The following SLC14A2 variants were observed in gnomAD, a reference collection of about 807,000 sequenced individuals.
SLC14A2 encodes solute carrier family 14 member 2, also known as urea transporter 2.
Under a neutral mutation model 104.6 loss-of-function variants are expected in SLC14A2, and 91 were observed. The ratio of observed to expected loss-of-function variants is 0.87; its 90% confidence interval spans 0.73 to 1.04. The LOEUF (loss-of-function observed/expected upper bound fraction) is 1.04. Ranked by LOEUF, SLC14A2 falls within the 50% of genes least tolerant of loss-of-function variation. The probability of loss-of-function intolerance (pLI) is 0.00; values close to 1 mark genes in which losing one functional copy is unlikely to be tolerated. For missense variants in SLC14A2, 1,189 were observed against 1,156.0 expected (o/e 1.03, Z -0.41); for synonymous variants, 476 against 466.4 (o/e 1.02, Z -0.27).
At chr18:45,437,111 C>T (rs1005880797) in intron 1 of SLC14A2, among the ~76,000 whole-genome samples, 1 of 152,228 alleles carries the variant, frequency 6.6e-6, no homozygotes, top group African/African-American at 2.4e-5. Context: ...CTAATGGACG[C>T]ACGCATGAGT....
In SLC14A2 at chr18:45,397,788, C is replaced by T. The variant is rs545272746; in HGVS notation, c.-124-85445C>T. ...GAAATTTGAGCAAAATAATGAATCT[C>T]TCTAAGTCATAGTTTCCACATTAGA... On this transcript the variant is annotated intron_variant, in intron 1 of 20. Coordinates refer to the SLC14A2 transcript ENST00000586448. 1.5e-3 allele frequency among the ~76,000 whole-genome samples: 230 copies of T among 152,076 alleles called. 1 individual carries two copies. Among genetic ancestry groups the T allele is most frequent in the Non-Finnish European group, 1.9e-3 (130 of 68,008 alleles).
chr18:45,468,364 A>T (rs2087182889), intron 1 of SLC14A2, among the ~76,000 whole-genome samples: 1 of 152,036 alleles, frequency 6.6e-6, no homozygotes, highest in Admixed American at 6.5e-5. Context: ...ATTTTAGCAA[A>T]AATCAATGCT....
At chr18:45,422,446 A>T (rs1217565126) in intron 1 of SLC14A2, among the ~76,000 whole-genome samples, 1 of 152,198 alleles carries the variant, frequency 6.6e-6, no homozygotes, top group South Asian at 2.1e-4. Context: ...GTATGAAAAC[A>T]TGGAAAAGGG....
At position 45,577,217 on chromosome 18, in the gene SLC14A2, G is replaced by A. The variant is rs141771329; in HGVS notation, c.-34-47414G>A. 4.6e-3 allele frequency among the ~76,000 whole-genome samples: 676 copies of A among 146,938 alleles called. 7 individuals carry two copies. Among genetic ancestry groups the A allele is most frequent in the African/African-American group, 0.016 (631 of 39,410 alleles). On this transcript the variant is annotated intron_variant, in intron 2 of 20. Transcript: ENST00000586448. ...TCAGACATCAAAGCATCAAAATACCGAGAATAAAAACATACTTAATACACA... is the reference window on the plus strand; with the variant it reads ...TCAGACATCAAAGCATCAAAATACCAAGAATAAAAACATACTTAATACACA...
chr18:45,261,686 A>C (rs939538620), intron 1 of SLC14A2, among the ~76,000 whole-genome samples: 22 of 151,626 alleles, frequency 1.5e-4, no homozygotes, highest in African/African-American at 5.3e-4. Flanking sequence ...GTGGTAGTTT[A>C]CTGAGAATGA....
chr18:45,176,293 CTG>C, the SLC14A2 span, among the ~76,000 whole-genome samples: 1 of 152,164 alleles, frequency 6.6e-6, no homozygotes, highest in Non-Finnish European at 1.5e-5. Context: ...TATGAAGAAA[CTG>C]TGCACAGAAA....
At chr18:45,642,710 C>T (rs541239494) in intron 8 of SLC14A2, among the ~76,000 whole-genome samples, 12 of 152,200 alleles carry the variant, frequency 7.9e-5, no homozygotes, top group Admixed American at 3.9e-4. Flanking sequence ...ATCACAGCTG[C>T]TCACAGTCTT....
chr18:45,367,930 T>A (rs1487901678), intron 1 of SLC14A2, among the ~76,000 whole-genome samples: 2 of 152,134 alleles, frequency 1.3e-5, no homozygotes, highest in Non-Finnish European at 2.9e-5. Context: ...AATGTTCTTT[T>A]TGATTAATCA....
At chr18:45,612,029 C>T (rs116109574), upstream of SLC14A2, among the ~76,000 whole-genome samples, 327 of 152,346 alleles carry the variant, frequency 2.1e-3, 4 homozygotes, top group African/African-American at 7.6e-3. Context: ...AGATGCTATA[C>T]TTCAAGAAAA....
At chr18:45,553,721 A>T (rs116716129) in intron 2 of SLC14A2, among the ~76,000 whole-genome samples, 2,041 of 152,290 alleles carry the variant, frequency 0.013, 62 homozygotes, top group African/African-American at 0.047. Context: ...TGAGTGCCAG[A>T]TGTGGGAAGG....
the SLC14A2 span, among the ~76,000 whole-genome samples, chr18:45,175,919 T>C: frequency 1.3e-5 from 2 of 152,206 alleles, no homozygotes; most frequent in Non-Finnish European, 2.9e-5. Flanking sequence ...CTTCTTCAAG[T>C]ATCTGGTCAA....
At chr18:45,585,839 C>T (rs1008954758) in intron 2 of SLC14A2, among the ~76,000 whole-genome samples, 2 of 152,178 alleles carry the variant, frequency 1.3e-5, no homozygotes, top group African/African-American at 2.4e-5. Context: ...GCAATGGCTC[C>T]GCGAGAGTCC....
At chr18:45,407,191 C>T (rs1200518902) in intron 1 of SLC14A2, among the ~76,000 whole-genome samples, 1 of 152,190 alleles carries the variant, frequency 6.6e-6, no homozygotes, top group African/African-American at 2.4e-5. Context: ...CATCAATGAT[C>T]TTGGCTAGAT....
intron 2 of SLC14A2, among the ~76,000 whole-genome samples, chr18:45,511,515 C>T (rs891260665): frequency 3.3e-5 from 5 of 152,160 alleles, no homozygotes; most frequent in African/African-American, 9.7e-5. Flanking sequence ...TCCCACCACC[C>T]TTAGTACACA....
intron 2 of SLC14A2, among the ~76,000 whole-genome samples, chr18:45,606,473 C>G (rs560087568): frequency 6.6e-6 from 1 of 152,212 alleles, no homozygotes; most frequent in East Asian, 1.9e-4. Context: ...AGAGCCACTA[C>G]CTCCAAGGCC....
chr18:45,669,231 GC>G lies in SLC14A2; in HGVS notation c.2037-70del, dbSNP rs1048829168. 1.1e-5 allele frequency: 14 copies of G among 1,223,312 alleles called. No homozygotes were observed. In the African/African-American group the frequency reaches 2.0e-4, roughly 17 times the overall value. 75.8% of individuals were successfully genotyped at this position (1,223,312 alleles called of 1,614,324 possible). A position where few individuals can be genotyped will look rare whatever the true frequency, so the allele number is the denominator to read the frequency against. On this transcript the variant is annotated intron_variant, in intron 15 of 19. Coordinates refer to ENST00000255226, the MANE Select transcript of SLC14A2 (RefSeq NM_007163.4). ...GCTTTTCTCTAGGAAGGCACAGGGA[GC>G]CCCCACTGCAGCACAGTCTAGTGTT...
the SLC14A2 span, among the ~76,000 whole-genome samples, chr18:45,193,476 A>C: frequency 6.6e-6 from 1 of 152,164 alleles, no homozygotes; most frequent in Non-Finnish European, 1.5e-5. Flanking sequence ...AGGAAATATC[A>C]TCTTTCCACA....
intron 10 of SLC14A2, among the ~76,000 whole-genome samples, chr18:45,658,261 C>G (rs191293043): frequency 5.3e-5 from 8 of 152,174 alleles, no homozygotes; most frequent in Non-Finnish European, 7.4e-5. Context: ...TCAATCCCCC[C>G]CTAGGAGAGA....
In SLC14A2 at chr18:45,641,512, C is replaced by T. The variant is rs2045528087; in HGVS notation, c.1126+169C>T. Among the ~76,000 whole-genome samples, 4 of 152,202 alleles carry T rather than the reference C, an allele frequency of 2.6e-5. No individual in the cohort carries two copies. In the South Asian group the frequency reaches 8.3e-4, roughly 32 times the overall value. On this transcript the variant is annotated intron_variant, in intron 8 of 19. Coordinates refer to ENST00000255226, the MANE Select transcript of SLC14A2 (RefSeq NM_007163.4). ...CCTTAACAGCTGGGGATTTCAGGTC[C>T]CTTTTCTGTCAAATGGGATCACAAC...
Sources: allele counts gnomAD v4.1 joint callset (sites outside exome capture counted in the v4.1 genomes callset), GRCh38; gene constraint gnomAD v4.1.1; transcripts MANE v1.5; gene names NCBI Gene and HGNC (gene_info 2026-07-23, HGNC 2026-07-21).